ZNF560: variants seen among roughly 807,000 people sequenced by gnomAD.
ZNF560 encodes zinc finger protein 560.
A neutral mutation model predicts 81.8 loss-of-function variants in ZNF560; 54 were observed. The observed-to-expected ratio is 0.66, with a 90% CI of 0.53 to 0.83. The LOEUF (loss-of-function observed/expected upper bound fraction) is 0.83. ZNF560 is among the 40% of genes least tolerant of loss of function. The pLI, the probability that ZNF560 is intolerant of heterozygous loss-of-function variation, is 0.00. For synonymous variants in ZNF560, 321 were observed against 317.9 expected (o/e 1.01, Z -0.10); for missense variants, 940 against 932.4 (o/e 1.01, Z -0.11).
the ZNF560 span, among the ~76,000 whole-genome samples, chr19:9,452,922 T>C: frequency 6.6e-6 from 1 of 152,126 alleles, no homozygotes. Context: ...AATAATGTAC[T>C]ACAATGGAAG....
intron 2 of ZNF560, among the ~76,000 whole-genome samples, chr19:9,486,140 G>A (rs2073381002): frequency 6.6e-6 from 1 of 152,160 alleles, no homozygotes; most frequent in African/African-American, 2.4e-5. Context: ...ATTAAGAAAT[G>A]CCCAATTCAC....
chr19:9,486,899 T>C lies in ZNF560; in HGVS notation c.-57+11229A>G, dbSNP rs185234393. 2.1e-3 allele frequency among the ~76,000 whole-genome samples: 318 copies of C among 152,374 alleles called. 2 individuals are homozygous for C. The highest frequency in any genetic ancestry group is 7.3e-3 in the African/African-American group (303 of 41,594). ...ATGAGTACATTCTATGTCCTTGTAC[T>C]TTAACCAAGATATTTATTCTAGACA... On this transcript the variant is annotated intron_variant, in intron 2 of 9. Coordinates refer to ENST00000301480, the MANE Select transcript of ZNF560 (RefSeq NM_152476.3).
chr19:9,475,430 T>A, intron 2 of ZNF560, 61 bp from the exon 3 acceptor site: 1 of 948,362 alleles, frequency 1.1e-6, no homozygotes, highest in Non-Finnish European at 1.6e-6. Context: ...TTCGCATGCA[T>A]GGAAGTTATT....
At chr19:9,481,734 A>C (rs1460737263) in intron 2 of ZNF560, among the ~76,000 whole-genome samples, 1 of 152,252 alleles carries the variant, frequency 6.6e-6, no homozygotes, top group Non-Finnish European at 1.5e-5. Flanking sequence ...ATACCATCTC[A>C]AACCAGTTAG....
At chr19:9,503,732 G>T in the ZNF560 span, among the ~76,000 whole-genome samples, 3 of 151,948 alleles carry the variant, frequency 2.0e-5, no homozygotes, top group African/African-American at 7.3e-5. Context: ...AGAGACAGGG[G>T]TTCACTATGT....
At chr19:9,489,502 G>A (rs1312781157) in intron 2 of ZNF560, among the ~76,000 whole-genome samples, 1 of 152,028 alleles carries the variant, frequency 6.6e-6, no homozygotes. Flanking sequence ...GGGCAGAGGT[G>A]CTCATCACTT....
Position 9,467,924 on chromosome 19 carries a change from T to C in ZNF560, c.1023A>G (p.Thr341=). ...ATTCATAGGGGTTTTTAATAATGTG[T>C]GTTTCAACATTTACAGCATGGCTTG... The part of the protein sequence containing the change: ...HSTSHAVNVE[T]HIIKNPYECK... Residue 341 remains threonine (T), a synonymous_variant, in exon 10 of 10, where the codon ACA becomes ACG. Coordinates refer to ENST00000301480, the MANE Select transcript of ZNF560 (RefSeq NM_152476.3). The C allele has an allele frequency of 6.2e-7, 1 of 1,614,190 alleles. No individual in the cohort carries two copies.
chr19:9,466,949 A>C lies in ZNF560; in HGVS notation c.1998T>G (p.Ser666Arg). The C allele has an allele frequency of 1.9e-6, 3 of 1,614,140 alleles. No individual in the cohort carries two copies. The highest frequency in any genetic ancestry group is 2.5e-6 in the Non-Finnish European group (3 of 1,180,030). ...YKCNACEKAY[S>R]RSCVLTQHLK... ...AGTGTTGAGTTAGTACACAAGACCT[A>C]CTGTAAGCTTTTTCACATGCATTAC... The change falls in exon 10 of 10, where the codon AGT (serine) becomes AGG (arginine). Residue 666 changes from serine (S) to arginine (R), a missense_variant. By Grantham distance (110) the Ser-to-Arg change is moderately radical (BLOSUM62 -1). Transcript: ENST00000301480.
chr19:9,487,364 T>C (rs2073402417), intron 2 of ZNF560, among the ~76,000 whole-genome samples: 1 of 152,204 alleles, frequency 6.6e-6, no homozygotes, highest in Non-Finnish European at 1.5e-5. Flanking sequence ...AAAGGGCACT[T>C]ACAAGAGACT....
chr19:9,498,898 G>A (rs956772375), upstream of ZNF560: 6 of 152,292 alleles, frequency 3.9e-5, no homozygotes, highest in African/African-American at 1.4e-4. Context: ...GACCAGGAAG[G>A]CGAAACGTCG....
At chr19:9,499,800 T>C (rs1313760323), upstream of ZNF560, among the ~76,000 whole-genome samples, 4 of 152,200 alleles carry the variant, frequency 2.6e-5, no homozygotes, top group East Asian at 7.7e-4. Flanking sequence ...TTACAAATAT[T>C]TTACCTCTTG....
chr19:9,504,593 C>G, the ZNF560 span, among the ~76,000 whole-genome samples: 12 of 152,142 alleles, frequency 7.9e-5, no homozygotes, highest in South Asian at 2.1e-3. Context: ...GTTGGCTTAC[C>G]GTATTTTTCA....
intron 2 of ZNF560, among the ~76,000 whole-genome samples, chr19:9,481,505 A>AT (rs1306813892): frequency 1.3e-5 from 2 of 152,218 alleles, no homozygotes; most frequent in African/African-American, 4.8e-5. Context: ...ATGGGAGAAA[A>AT]TTTTTGTAAT....
chr19:9,466,307 C>T (rs2073013693), downstream of ZNF560, among the ~76,000 whole-genome samples: 1 of 151,380 alleles, frequency 6.6e-6, no homozygotes, highest in East Asian at 1.9e-4. Context: ...GATCATGCCA[C>T]TGCACTCCAG....
At chr19:9,486,698 C>T (rs2073389320) in intron 2 of ZNF560, among the ~76,000 whole-genome samples, 1 of 151,604 alleles carries the variant, frequency 6.6e-6, no homozygotes. Flanking sequence ...CAAGATCATG[C>T]CACTGCACTC....
intron 2 of ZNF560, among the ~76,000 whole-genome samples, chr19:9,492,380 G>A (rs905389316): frequency 2.0e-5 from 3 of 152,184 alleles, no homozygotes; most frequent in African/African-American, 4.8e-5. Flanking sequence ...CTAACTAGTA[G>A]AGAGGCAAAT....
At chr19:9,506,502 T>C in the ZNF560 span, among the ~76,000 whole-genome samples, 2 of 151,816 alleles carry the variant, frequency 1.3e-5, no homozygotes, top group Non-Finnish European at 2.9e-5. Flanking sequence ...AAAAATTCAG[T>C]AAAAAGTAAA....
intron 2 of ZNF560, among the ~76,000 whole-genome samples, chr19:9,483,790 G>A (rs954334907): frequency 6.6e-6 from 1 of 152,214 alleles, no homozygotes; most frequent in Non-Finnish European, 1.5e-5. Context: ...CATCTGGGAG[G>A]TGTACCCAAC....
chr19:9,448,961 C>T, the ZNF560 span, among the ~76,000 whole-genome samples: 1 of 152,184 alleles, frequency 6.6e-6, no homozygotes. Context: ...ATAAAGGGTT[C>T]AATCCAACAA....
Sources: allele counts gnomAD v4.1 joint callset (sites outside exome capture counted in the v4.1 genomes callset), GRCh38; gene constraint gnomAD v4.1.1; transcripts MANE v1.5; gene names NCBI Gene and HGNC (gene_info 2026-07-23, HGNC 2026-07-21).